HR: variants seen among roughly 807,000 people sequenced by gnomAD.
HR encodes HR lysine demethylase and nuclear receptor corepressor, also known as lysine-specific demethylase hairless.
A neutral mutation model predicts 128.6 loss-of-function variants in HR; 83 were observed. The observed-to-expected ratio is 0.65, with a 90% CI of 0.54 to 0.77. The LOEUF is 0.77. Ranked by LOEUF, HR falls within the 30% of genes least tolerant of loss-of-function variation. The pLI, the probability that HR is intolerant of heterozygous loss-of-function variation, is 0.00. For missense variants in HR, 1,490 were observed against 1,574.6 expected (o/e 0.95, Z 0.91); for synonymous variants, 681 against 658.2 (o/e 1.03, Z -0.53).
chr8:22,120,065 T>C, intron 13 of HR, 39 bp downstream of exon 13: 1 of 1,568,526 alleles, frequency 6.4e-7, no homozygotes, highest in Non-Finnish European at 8.6e-7. Context: ...GGGCCTGCGG[T>C]GGCGGGGAGG....
chr8:22,123,616 A>AGGGGGGGGGGCCCCC, intron 6 of HR, 33 bp downstream of exon 6: 5 of 562,346 alleles, frequency 8.9e-6, no homozygotes, highest in East Asian at 6.8e-5. Context: ...TGAGGGCTCC[A>AGGGGGGGGGGCCCCC]TCCCGCCCTC....
At position 22,115,293 on chromosome 8, in the gene HR, G is replaced by C; in HGVS notation, c.*407C>G. 1 of 314,028 alleles carries C rather than the reference G, an allele frequency of 3.2e-6. No individual in the cohort carries two copies. The highest frequency in any genetic ancestry group is 6.2e-6 in the Non-Finnish European group (1 of 162,520). The allele number at this position is 314,028 out of a possible 1,614,324, so 19.5% of individuals were successfully genotyped here. A position where few individuals can be genotyped will look rare whatever the true frequency, so the allele number is the denominator to read the frequency against. On this transcript the variant is annotated 3_prime_UTR_variant, in exon 19 of 19. Transcript: ENST00000381418. ...CAGTGAGGATGCGGTGGTAGAAACG[G>C]AGCTGGGGCAGTAGAGTGGGCTCAG...
chr8:22,119,045 C>G lies in HR; in HGVS notation c.3118G>C (p.Gly1040Arg), dbSNP rs749987727. The G allele has an allele frequency of 6.2e-7, 1 of 1,613,160 alleles. No homozygotes were observed. Among genetic ancestry groups the G allele is most frequent in the African/African-American group, 1.3e-5 (1 of 74,940 alleles). The change falls in exon 16 of 19, where the codon GGG becomes CGG. Residue 1040 changes from glycine (G) to arginine (R), a missense_variant. By Grantham distance (125) the Gly-to-Arg change is moderately radical. Around this residue, in one of 3 missense-constraint regions of HR, gnomAD observed 423 missense variants for 495.9 expected, o/e 0.85. Transcript: ENST00000381418. ...CTGCCCGGAGACCAGAGCCCCTCCC[C>G]GTCCAGGCCTGAAAGGAAGTCTGAG... is the stretch of plus-strand genomic sequence containing the variant. ...AQKDFLSGLD[G>R]EGLWSPGSQV...
chr8:22,127,110 C>T lies in HR; in HGVS notation c.1332G>A (p.Gly444=). The change falls in exon 3 of 19, where the codon GGG becomes GGA. Residue 444 remains glycine (G), a synonymous_variant. Transcript: ENST00000381418. ...PFPGTAEQGA[G]GWQEVRDTSI... is the part of the protein sequence containing the mutation. ...ATGTGTCCCGCACCTCCTGCCAACC[C>T]CCAGCCCCCTGTTCTGCAGTGCCTG... 6.2e-7 allele frequency: 1 copy of T among 1,611,092 alleles called. No individual in the cohort carries two copies.
Position 22,118,857 on chromosome 8 carries a change from GAGC to G in HR, c.3213+90_3213+92del. On this transcript the variant is annotated intron_variant, in intron 16 of 18. Transcript: ENST00000381418. The stretch of plus-strand genomic sequence containing the variant: ...AGCTCACCTGAGGGCGTGGGGCAGG[GAGC>G]GAGCACATGGGACCGCACACTGGGG... The G allele has an allele frequency of 2.8e-6, 3 of 1,083,486 alleles. No individual in the cohort carries two copies. In the Admixed American group the frequency reaches 5.3e-5, roughly 19 times the overall value. 67.1% of individuals were successfully genotyped at this position (1,083,486 alleles called of 1,614,324 possible).
chr8:22,121,172 GC>G lies in HR; in HGVS notation c.2259del (p.Pro754LeufsTer148), dbSNP rs1826741918. 6.2e-7 allele frequency: 1 copy of G among 1,613,986 alleles called. No individual in the cohort carries two copies. Among genetic ancestry groups the G allele is most frequent in the Non-Finnish European group, 8.5e-7 (1 of 1,180,036 alleles). Reference protein sequence around the residue: ...PAEDRAGRGPLPCPSLCELLA... With the variant: ...PAEDRAGRGPXPCPSLCELLA... ...AGCAGTTCGCAGAGAGAAGGACAAG[GC>G]AGGGGCCCTCGGCCAGCACGGTCCT... On this transcript the variant is annotated frameshift_variant, in exon 10 of 19. Coordinates refer to ENST00000381418, the MANE Select transcript of HR (RefSeq NM_005144.5). LOFTEE classifies it high-confidence loss of function.
intron 6 of HR, 143 bp downstream of exon 6, chr8:22,123,500 CTAAGGG>C: frequency 2.6e-6 from 2 of 757,866 alleles, no homozygotes; most frequent in Non-Finnish European, 4.3e-6. Flanking sequence ...GAAGTCTGCT[CTAAGGG>C]CATTGAGCCA....
chr8:22,123,838 T>C lies in HR; in HGVS notation c.1751-25A>G, dbSNP rs1452290838. On this transcript the variant is annotated intron_variant, in intron 5 of 18. Transcript: ENST00000381418. ...CCTGCTGACCACGGAGAGAACAGGG[T>C]CAGAGGGTGAAGGCAACAGGCCCCA... 6 of 1,582,334 alleles carry C rather than the reference T, an allele frequency of 3.8e-6. No homozygotes were observed. In the African/African-American group the frequency reaches 8.2e-5, roughly 22 times the overall value.
In HR at chr8:22,128,775, C is replaced by A. The variant is rs1210197637; in HGVS notation, c.396G>T (p.Lys132Asn). 1 of 1,609,912 alleles carries A rather than the reference C, an allele frequency of 6.2e-7. No homozygotes were observed. Among genetic ancestry groups the A allele is most frequent in the African/African-American group, 1.3e-5 (1 of 75,052 alleles). The change falls in exon 2 of 19, where the codon AAG becomes AAT. Residue 132 changes from lysine to asparagine, a missense_variant. By Grantham distance (94) the Lys-to-Asn change is moderately conservative. Coordinates refer to ENST00000381418, the MANE Select transcript of HR (RefSeq NM_005144.5). ...AGGGCCGGAAGGCCACAGGGTCACTCTTGAGATGGCCACCACTATGCTCAG... is the reference window on the plus strand; with the variant it reads ...AGGGCCGGAAGGCCACAGGGTCACTATTGAGATGGCCACCACTATGCTCAG... ...LMPEHSGGHL[K>N]SDPVAFRPWH... is the part of the protein sequence containing the mutation.
In HR at chr8:22,129,289, G is replaced by A. The variant is rs140004321; in HGVS notation, c.-40-79C>T. On this transcript the variant is annotated intron_variant, in intron 1 of 18. Coordinates refer to ENST00000381418, the MANE Select transcript of HR (RefSeq NM_005144.5). ...TACAGCCTGGCACAGAGTGGGCACC[G>A]CCCTGGCAACACTGAGGCAGCTCAA... The A allele has an allele frequency of 8.7e-4, 1,129 of 1,292,126 alleles. 2 individuals are homozygous for A. The highest frequency in any genetic ancestry group is 4.4e-3 in the African/African-American group (301 of 67,666). The allele number at this position is 1,292,126 out of a possible 1,614,324, so 80.0% of individuals were successfully genotyped here.
At chr8:22,120,018 T>C (rs1330237545) in intron 13 of HR, 86 bp downstream of exon 13, 3 of 1,569,802 alleles carry the variant, frequency 1.9e-6, no homozygotes, top group African/African-American at 2.7e-5. Flanking sequence ...GGGGTGGGGG[T>C]TGGGGGCAGA....
In HR at chr8:22,123,029, A is replaced by G. The variant is rs1163844250; in HGVS notation, c.1916-150T>C. 8 of 740,894 alleles carry G rather than the reference A, an allele frequency of 1.1e-5. No individual in the cohort carries two copies. The East Asian group carries it at 1.3e-4, about 12-fold the overall frequency. 45.9% of individuals were successfully genotyped at this position (740,894 alleles called of 1,614,324 possible). On this transcript the variant is annotated intron_variant, in intron 6 of 18. Transcript: ENST00000381418. The stretch of plus-strand genomic sequence containing the variant: ...TGGGAAACCTGGGTCACATAGAGAC[A>G]CAGCATTCTTTGCTTGTAGAATGCT...
intron 2 of HR, 137 bp downstream of exon 2, chr8:22,128,422 G>A: frequency 1.2e-5 from 15 of 1,251,672 alleles, no homozygotes; most frequent in Non-Finnish European, 1.6e-5. Context: ...TGTGGGGCCT[G>A]GGACAGCTCC....
chr8:22,115,884 A>C (rs1586367071), intron 18 of HR, 122 bp from the exon 19 acceptor site: 1 of 978,766 alleles, frequency 1.0e-6, no homozygotes, highest in African/African-American at 1.6e-5. Flanking sequence ...TAATCCCAGC[A>C]CTTTGGGAGG....
chr8:22,121,171 G>C lies in HR; in HGVS notation c.2261C>G (p.Pro754Arg). Residue 754 changes from proline (P) to arginine (R), a missense_variant, in exon 10 of 19, where the codon CCT becomes CGT. Pro to Arg is a moderately radical substitution (Grantham distance 103, BLOSUM62 -2). Transcript: ENST00000381418. ...AEDRAGRGPLPCPSLCELLAS... is the reference protein window; with the variant it reads ...AEDRAGRGPLRCPSLCELLAS... ...CAGCAGTTCGCAGAGAGAAGGACAAGGCAGGGGCCCTCGGCCAGCACGGTC... is the reference window on the plus strand; with the variant it reads ...CAGCAGTTCGCAGAGAGAAGGACAACGCAGGGGCCCTCGGCCAGCACGGTC... The C allele has an allele frequency of 6.2e-7, 1 of 1,613,992 alleles. No homozygotes were observed. The highest frequency in any genetic ancestry group is 8.5e-7 in the Non-Finnish European group (1 of 1,180,036).
chr8:22,123,617 T>TTGGGGGGCGCCC, intron 6 of HR, 32 bp downstream of exon 6: 1 of 292,092 alleles, frequency 3.4e-6, no homozygotes, highest in Non-Finnish European at 6.2e-6. Context: ...GAGGGCTCCA[T>TTGGGGGGCGCCC]CCCGCCCTCC....
At position 22,120,152 on chromosome 8, in the gene HR, C is replaced by T. The variant is rs1403883342; in HGVS notation, c.2798G>A (p.Gly933Asp). The change falls in exon 13 of 19, where the codon GGC becomes GAC. Residue 933 changes from glycine (G) to aspartate (D), a missense_variant. Transcript: ENST00000381418. ...AGCTCGGTGCAGCAGGAGGACAGAGCCCTCGTCTGACTTTGGGCGAACTAC... is the reference window on the plus strand; with the variant it reads ...AGCTCGGTGCAGCAGGAGGACAGAGTCCTCGTCTGACTTTGGGCGAACTAC... ...WPELRPKSDE[G>D]SVLLLHRALG... 6.3e-7 allele frequency: 1 copy of T among 1,593,104 alleles called. No individual in the cohort carries two copies. Among genetic ancestry groups the T allele is most frequent in the African/African-American group, 1.3e-5 (1 of 74,776 alleles).
At chr8:22,128,475 A>T (rs1454614974) in intron 2 of HR, 84 bp downstream of exon 2, 1 of 1,572,182 alleles carries the variant, frequency 6.4e-7, no homozygotes, top group East Asian at 2.3e-5. Flanking sequence ...TTCTCTTTTC[A>T]TCACAGTGGA....
Position 22,121,605 on chromosome 8 carries a change from C to G in HR, c.2203+8G>C. On this transcript the variant is annotated splice_region_variant and intron_variant, in intron 9 of 18. Transcript: ENST00000381418. ...TGCACAGGCCGAGGGGCAAGAGGAG[C>G]CGCTCACCCTCTTTGATGCTCTTGG... is the stretch of plus-strand genomic sequence containing the variant. 6.2e-7 allele frequency: 1 copy of G among 1,613,708 alleles called. No individual in the cohort carries two copies. Among genetic ancestry groups the G allele is most frequent in the Non-Finnish European group, 8.5e-7 (1 of 1,179,862 alleles).
Sources: allele counts gnomAD v4.1 joint callset, GRCh38; gene constraint gnomAD v4.1.1; regional missense constraint gnomAD v4.1.1; transcripts MANE v1.5; gene names NCBI Gene and HGNC (gene_info 2026-07-23, HGNC 2026-07-21).